RICTOR: variants seen among roughly 807,000 people sequenced by gnomAD.
The protein encoded by RICTOR is rapamycin-insensitive companion of mTOR.
RICTOR carries 49 observed loss-of-function variants against 214.9 expected under a neutral mutation model. The observed-to-expected ratio is 0.23, with a 90% CI of 0.18 to 0.29. The LOEUF (loss-of-function observed/expected upper bound fraction) is 0.29, where lower values mean the gene tolerates loss of function less well. RICTOR is among the 10% of genes least tolerant of loss of function. The pLI, the probability that RICTOR is intolerant of heterozygous loss-of-function variation, is 1.00. For missense variants in RICTOR, 1,625 were observed against 2,047.0 expected (o/e 0.79, Z 3.98); for synonymous variants, 717 against 711.3 (o/e 1.01, Z -0.13).
At chr5:38,966,801 AT>A (rs11435048) in intron 14 of RICTOR, 80 bp from the exon 15 acceptor site, 5,699 of 544,160 alleles carry the variant, frequency 0.01, no homozygotes, top group South Asian at 0.023. Context: ...ATTTTTCAAA[AT>A]TTTTTTTTTT....
At chr5:38,956,042 T>C (rs1416349220) in intron 25 of RICTOR, among the ~76,000 whole-genome samples, 1 of 152,068 alleles carries the variant, frequency 6.6e-6, no homozygotes, top group African/African-American at 2.4e-5. Context: ...CCATTATATA[T>C]TGTCATTAAA....
intron 9 of RICTOR, among the ~76,000 whole-genome samples, chr5:38,976,045 T>A (rs112122018): frequency 2.0e-5 from 3 of 152,348 alleles, no homozygotes; most frequent in African/African-American, 7.2e-5. Context: ...CAACAACCTA[T>A]ATAGTCACTG....
At chr5:38,951,919 T>C (rs1197699683) in intron 30 of RICTOR, among the ~76,000 whole-genome samples, 1 of 151,892 alleles carries the variant, frequency 6.6e-6, no homozygotes, top group Non-Finnish European at 1.5e-5. Flanking sequence ...TTCTTTTCTG[T>C]CAAAAAAAGG....
chr5:39,073,086 G>C (rs1759439545), intron 2 of RICTOR, among the ~76,000 whole-genome samples: 2 of 152,194 alleles, frequency 1.3e-5, no homozygotes, highest in South Asian at 2.1e-4. Context: ...CGTCAGGTAC[G>C]ACATAGGGTA....
intron 2 of RICTOR, among the ~76,000 whole-genome samples, chr5:39,070,857 T>C (rs1473504658): frequency 6.6e-6 from 1 of 152,162 alleles, no homozygotes; most frequent in Non-Finnish European, 1.5e-5. Context: ...CAAAATACAT[T>C]TTGGCATGCA....
intron 2 of RICTOR, among the ~76,000 whole-genome samples, chr5:39,034,147 G>A (rs533331988): frequency 1.3e-5 from 2 of 152,254 alleles, no homozygotes; most frequent in South Asian, 2.1e-4. Flanking sequence ...CCACTTCTGC[G>A]ATTGTCTTAA....
At chr5:39,038,851 C>T (rs56266716) in intron 2 of RICTOR, among the ~76,000 whole-genome samples, 15,270 of 151,020 alleles carry the variant, frequency 0.1, 952 homozygotes, top group Middle Eastern at 0.15. Flanking sequence ...TCCATGCTCA[C>T]GGGTAGGAAG....
chr5:38,968,433 C>A (rs974481702), intron 11 of RICTOR, among the ~76,000 whole-genome samples: 1 of 151,666 alleles, frequency 6.6e-6, no homozygotes, highest in Non-Finnish European at 1.5e-5. Context: ...CTATACTATA[C>A]CTTTTACCAT....
At chr5:39,049,823 A>T (rs903274034) in intron 2 of RICTOR, among the ~76,000 whole-genome samples, 3 of 152,158 alleles carry the variant, frequency 2.0e-5, no homozygotes, top group African/African-American at 7.2e-5. Flanking sequence ...CTAGCTGAAG[A>T]TACTATACAG....
At chr5:38,982,270 A>T (rs1428795372) in intron 7 of RICTOR, among the ~76,000 whole-genome samples, 2 of 152,202 alleles carry the variant, frequency 1.3e-5, no homozygotes, top group Non-Finnish European at 2.9e-5. Flanking sequence ...TTGTCCATAT[A>T]ATAACGGAAT....
intron 2 of RICTOR, among the ~76,000 whole-genome samples, chr5:39,055,834 G>C (rs950413706): frequency 2.6e-5 from 4 of 152,108 alleles, no homozygotes; most frequent in African/African-American, 9.7e-5. Flanking sequence ...GAAGTCAATA[G>C]AATCATCAGG....
intron 31 of RICTOR, among the ~76,000 whole-genome samples, chr5:38,948,577 T>A (rs1289768169): frequency 6.6e-6 from 1 of 152,076 alleles, no homozygotes; most frequent in Non-Finnish European, 1.5e-5. Flanking sequence ...AAAACAACAA[T>A]ACAAAAGTTT....
intron 2 of RICTOR, among the ~76,000 whole-genome samples, chr5:39,022,898 T>C (rs1207041206): frequency 1.3e-5 from 2 of 152,068 alleles, no homozygotes; most frequent in African/African-American, 4.8e-5. Flanking sequence ...AAGTACCTAA[T>C]AAAGTCTTAT....
At chr5:38,983,278 A>T (rs1337455548) in intron 7 of RICTOR, among the ~76,000 whole-genome samples, 1 of 152,224 alleles carries the variant, frequency 6.6e-6, no homozygotes, top group Non-Finnish European at 1.5e-5. Context: ...ACTTTAAAAT[A>T]GTATTGCTTT....
At chr5:38,949,392 C>G (rs1748497168) in intron 31 of RICTOR, 1 of 1,592,016 alleles carries the variant, frequency 6.3e-7, no homozygotes, top group South Asian at 1.1e-5. Flanking sequence ...TCTTAAGCTC[C>G]TGATTCCCCC....
chr5:39,012,642 T>C (rs922126470), intron 3 of RICTOR, among the ~76,000 whole-genome samples: 4 of 152,226 alleles, frequency 2.6e-5, no homozygotes, highest in African/African-American at 9.6e-5. Context: ...ATGTAAGTCA[T>C]TAAAATGTAA....
At chr5:39,018,570 T>A (rs1481866692) in intron 3 of RICTOR, among the ~76,000 whole-genome samples, 1 of 152,112 alleles carries the variant, frequency 6.6e-6, no homozygotes, top group African/African-American at 2.4e-5. Context: ...TATTATCTGT[T>A]AGGGTGATCT....
At chr5:39,026,587 T>G (rs2150143865) in intron 2 of RICTOR, among the ~76,000 whole-genome samples, 1 of 152,222 alleles carries the variant, frequency 6.6e-6, no homozygotes, top group South Asian at 2.1e-4. Context: ...ATTGTAGAGC[T>G]GAATACAATT....
intron 2 of RICTOR, among the ~76,000 whole-genome samples, chr5:39,065,886 C>T (rs1237766391): frequency 1.3e-5 from 2 of 152,244 alleles, no homozygotes; most frequent in African/African-American, 4.8e-5. Flanking sequence ...CCCAGGAATG[C>T]TCTCACAGGT....
Sources: allele counts gnomAD v4.1 joint callset (sites outside exome capture counted in the v4.1 genomes callset), GRCh38; gene constraint gnomAD v4.1.1; transcripts MANE v1.5; gene names NCBI Gene and HGNC (gene_info 2026-07-23, HGNC 2026-07-21).